ADARB2: variants seen among roughly 807,000 people sequenced by gnomAD.
ADARB2 encodes the protein adenosine deaminase RNA specific B2 (inactive).
Under a neutral mutation model 62.2 loss-of-function variants are expected in ADARB2, and 25 were observed. The ratio of observed to expected loss-of-function variants is 0.40; its 90% CI spans 0.29 to 0.56. The LOEUF is 0.56. Ranked by LOEUF, ADARB2 falls within the 20% of genes least tolerant of loss-of-function variation. ADARB2 has a pLI of 0.43. For synonymous variants in ADARB2, 572 were observed against 500.8 expected (o/e 1.14, Z -1.90); for missense variants, 1,071 against 1,077.4 (o/e 0.99, Z 0.08).
chr10:1,215,180 G>A (rs573739806), intron 7 of ADARB2, among the ~76,000 whole-genome samples: 5 of 152,222 alleles, frequency 3.3e-5, no homozygotes, highest in Non-Finnish European at 7.4e-5. Context: ...CCCAGCACTC[G>A]GGCTTAGGAT....
chr10:1,352,092 C>T (rs1832148637), intron 3 of ADARB2, among the ~76,000 whole-genome samples: 1 of 151,982 alleles, frequency 6.6e-6, no homozygotes, highest in African/African-American at 2.4e-5. Flanking sequence ...GGCTGTACTG[C>T]CGCAAAGCTT....
chr10:1,459,454 G>T (rs1055627448), intron 1 of ADARB2, among the ~76,000 whole-genome samples: 1 of 152,216 alleles, frequency 6.6e-6, no homozygotes, highest in African/African-American at 2.4e-5. Context: ...GTTCTCACAA[G>T]TGAGAGCTAA....
intron 1 of ADARB2, among the ~76,000 whole-genome samples, chr10:1,690,918 C>T (rs368537576): frequency 3.9e-5 from 6 of 152,158 alleles, no homozygotes; most frequent in South Asian, 2.1e-4. Flanking sequence ...TCCCTGTGCC[C>T]GGCAGTCTGA....
chr10:1,695,766 AG>A (rs1564369869), intron 1 of ADARB2, among the ~76,000 whole-genome samples: 1 of 152,108 alleles, frequency 6.6e-6, no homozygotes, highest in African/African-American at 2.4e-5. Context: ...ATGCATGTGT[AG>A]GTGTGTCTGT....
chr10:1,619,342 AACT>A (rs1169671941), intron 1 of ADARB2, among the ~76,000 whole-genome samples: 3 of 152,156 alleles, frequency 2.0e-5, no homozygotes, highest in African/African-American at 7.2e-5. Flanking sequence ...ACTCTAAAAA[AACT>A]ACATTTGCTG....
intron 3 of ADARB2, among the ~76,000 whole-genome samples, chr10:1,273,568 G>A (rs1468316995): frequency 6.6e-6 from 1 of 152,234 alleles, no homozygotes; most frequent in Non-Finnish European, 1.5e-5. Context: ...CTAAAGGTCA[G>A]GCCTGGCTGT....
intron 1 of ADARB2, among the ~76,000 whole-genome samples, chr10:1,573,905 G>A (rs190410416): frequency 6.6e-6 from 1 of 152,304 alleles, no homozygotes; most frequent in East Asian, 1.9e-4. Context: ...TGGCCGCTGG[G>A]CAGGACACAA....
chr10:1,355,837 T>G (rs1832189831), intron 3 of ADARB2, among the ~76,000 whole-genome samples: 1 of 152,260 alleles, frequency 6.6e-6, no homozygotes, highest in Non-Finnish European at 1.5e-5. Context: ...CATTGCATAA[T>G]GTATGCTGTA....
chr10:1,714,046 G>A (rs1241233376), intron 1 of ADARB2, among the ~76,000 whole-genome samples: 1 of 152,134 alleles, frequency 6.6e-6, no homozygotes, highest in African/African-American at 2.4e-5. Context: ...AACATTTGAT[G>A]GGAAAACGTG....
intron 1 of ADARB2, among the ~76,000 whole-genome samples, chr10:1,450,523 T>A (rs1348528130): frequency 6.6e-6 from 1 of 152,230 alleles, no homozygotes. Flanking sequence ...CCCCCTTGGA[T>A]CTGTCACTTA....
At chr10:1,474,299 C>G (rs2820640) in intron 1 of ADARB2, among the ~76,000 whole-genome samples, 148,184 of 152,242 alleles carry the variant, frequency 0.97, 72,225 homozygotes, top group East Asian at 1. Flanking sequence ...CCCTCTGGGA[C>G]GGCATGGCCC....
At chr10:1,336,155 T>C (rs1831973673) in intron 3 of ADARB2, among the ~76,000 whole-genome samples, 1 of 152,212 alleles carries the variant, frequency 6.6e-6, no homozygotes, top group Non-Finnish European at 1.5e-5. Context: ...GATTCTTGGC[T>C]TTGGGCTTCA....
intron 1 of ADARB2, among the ~76,000 whole-genome samples, chr10:1,380,337 T>C (rs943304597): frequency 2.0e-5 from 3 of 152,272 alleles, no homozygotes; most frequent in African/African-American, 7.2e-5. Context: ...CTTTGCTAAG[T>C]GGGATTCTTC....
intron 1 of ADARB2, among the ~76,000 whole-genome samples, chr10:1,687,817 G>A (rs1423995941): frequency 6.6e-6 from 1 of 152,090 alleles, no homozygotes; most frequent in African/African-American, 2.4e-5. Context: ...GGCCGGGGGG[G>A]AAAACCACCC....
At chr10:1,401,720 C>A (rs1462574957) in intron 1 of ADARB2, among the ~76,000 whole-genome samples, 1 of 152,022 alleles carries the variant, frequency 6.6e-6, no homozygotes, top group Admixed American at 6.5e-5. Flanking sequence ...TCTGCAGAGT[C>A]CCTGTTTTTC....
intron 1 of ADARB2, among the ~76,000 whole-genome samples, chr10:1,578,203 CG>C: frequency 6.6e-6 from 1 of 152,206 alleles, no homozygotes; most frequent in African/African-American, 2.4e-5. Flanking sequence ...CTTCCCGCAG[CG>C]GAACAGATGG....
chr10:1,534,042 GGA>G (rs143736259), intron 1 of ADARB2, among the ~76,000 whole-genome samples: 2,389 of 147,932 alleles, frequency 0.016, 62 homozygotes, highest in African/African-American at 0.056. Flanking sequence ...AGGGAGGGAG[GGA>G]GAGAGAGAGA....
intron 1 of ADARB2, among the ~76,000 whole-genome samples, chr10:1,483,332 C>A (rs1371262374): frequency 2.0e-5 from 3 of 152,188 alleles, no homozygotes; most frequent in African/African-American, 7.2e-5. Context: ...AGCTCCAGGT[C>A]TTTTGGGATC....
chr10:1,653,812 G>C (rs1834143735), intron 1 of ADARB2, among the ~76,000 whole-genome samples: 1 of 152,178 alleles, frequency 6.6e-6, no homozygotes, highest in African/African-American at 2.4e-5. Flanking sequence ...GTGAAGAACT[G>C]ATTTTTTTTC....
Sources: allele counts gnomAD v4.1 joint callset (sites outside exome capture counted in the v4.1 genomes callset), GRCh38; gene constraint gnomAD v4.1.1; transcripts MANE v1.5; gene names NCBI Gene and HGNC (gene_info 2026-07-23, HGNC 2026-07-21).